The following NUP188 variants were observed in gnomAD, a reference collection of about 807,000 sequenced individuals.
NUP188 encodes nucleoporin 188.
In NUP188, 97 loss-of-function variants were observed where a neutral mutation model predicts 223.0. The observed-to-expected ratio is 0.43, with a 90% confidence interval of 0.37 to 0.51. The LOEUF is 0.51. Ranked by LOEUF, NUP188 falls within the 20% of genes least tolerant of loss-of-function variation. NUP188 has a pLI of 0.00. For synonymous variants in NUP188, 869 were observed against 828.0 expected (o/e 1.05, Z -0.85); for missense variants, 1,947 against 2,175.6 (o/e 0.89, Z 2.09).
intron 14 of NUP188, 61 bp downstream of exon 14, chr9:128,980,786 GA>G: frequency 4.5e-6 from 7 of 1,570,724 alleles, no homozygotes; most frequent in Non-Finnish European, 6.1e-6. Context: ...ACTTTATTAG[GA>G]ATCTTTTTTG....
intron 8 of NUP188, among the ~76,000 whole-genome samples, chr9:128,963,217 A>G (rs189368803): frequency 1.0e-3 from 154 of 152,080 alleles, no homozygotes; most frequent in Admixed American, 1.8e-3. Context: ...GTTTTTTGAC[A>G]TAAGTTTTCA....
chr9:128,963,671 A>G (rs1158285937), intron 8 of NUP188, among the ~76,000 whole-genome samples: 2 of 151,874 alleles, frequency 1.3e-5, no homozygotes, highest in Non-Finnish European at 2.9e-5. Context: ...GTAATATCTC[A>G]TTGTGGTTTG....
In NUP188 at chr9:128,981,385, C is replaced by G. The variant is rs757524090; in HGVS notation, c.1511C>G (p.Pro504Arg). 1 of 1,603,014 alleles carries G rather than the reference C, an allele frequency of 6.2e-7. No homozygotes were observed. Among genetic ancestry groups the G allele is most frequent in the South Asian group, 1.1e-5 (1 of 88,044 alleles). ...WRRQTPKLLY[P>R]LGGQTNLRIP... ...AGACAAACACCCAAACTCCTTTATC[C>G]CCTTGGTGAGATAAAGAGATCCCCC... is the stretch of plus-strand genomic sequence containing the variant. Residue 504 changes from proline to arginine, a missense_variant, in exon 15 of 44, where the codon CCC becomes CGC. Pro to Arg is a moderately radical substitution (Grantham distance 103, BLOSUM62 -2). Coordinates refer to ENST00000372577, the MANE Select transcript of NUP188 (RefSeq NM_015354.3).
intron 8 of NUP188, among the ~76,000 whole-genome samples, chr9:128,967,646 C>T (rs17485471): frequency 0.021 from 3,183 of 151,974 alleles, 117 homozygotes; most frequent in African/African-American, 0.073. Context: ...AAAAATCAGC[C>T]GGGCGTGGTG....
chr9:128,974,402 T>TTC (rs1364626484), intron 12 of NUP188, among the ~76,000 whole-genome samples: 10 of 150,480 alleles, frequency 6.6e-5, no homozygotes, highest in African/African-American at 2.4e-4. Flanking sequence ...TTTTTTTTTT[T>TTC]TTTTTTTGAG....
At chr9:128,980,853 A>C in intron 14 of NUP188, 128 bp downstream of exon 14, 1 of 845,142 alleles carries the variant, frequency 1.2e-6, no homozygotes, top group Non-Finnish European at 1.8e-6. Context: ...GGTGAATGAA[A>C]GATACCAAAG....
chr9:128,981,792 C>T (rs1369911229), intron 15 of NUP188, among the ~76,000 whole-genome samples: 2 of 152,066 alleles, frequency 1.3e-5, no homozygotes, highest in African/African-American at 4.8e-5. Context: ...AGTCACTTGT[C>T]GGCCAGGTGT....
intron 8 of NUP188, among the ~76,000 whole-genome samples, chr9:128,960,755 G>A (rs1841936586): frequency 6.6e-6 from 1 of 152,054 alleles, no homozygotes; most frequent in African/African-American, 2.4e-5. Context: ...TTCGAGACAA[G>A]CCTGGCCAAT....
intron 22 of NUP188, 30 bp from the exon 23 acceptor site, chr9:128,987,559 C>A: frequency 1.9e-6 from 3 of 1,598,590 alleles, no homozygotes; most frequent in South Asian, 1.1e-5. Flanking sequence ...GAGTGGCTCC[C>A]TGGTAACTCA....
At chr9:129,006,207 C>T in intron 42 of NUP188, 32 bp from the exon 43 acceptor site, 1 of 1,614,186 alleles carries the variant, frequency 6.2e-7, no homozygotes, top group Middle Eastern at 1.6e-4. Context: ...TGGCCCTCTG[C>T]AGCAGTACCA....
Position 128,994,937 on chromosome 9 carries a change from C to T in NUP188, c.3155+14C>T. On this transcript the variant is annotated intron_variant, in intron 29 of 43. Transcript: ENST00000372577. ...CTATGTAGTAAAGTGAGTACTTTCCCCTCTTGAGATTTTAACTGAAGGTTG... is the reference window on the plus strand; with the variant it reads ...CTATGTAGTAAAGTGAGTACTTTCCTCTCTTGAGATTTTAACTGAAGGTTG... 2 of 1,590,342 alleles carry T rather than the reference C, an allele frequency of 1.3e-6. No individual in the cohort carries two copies. Among genetic ancestry groups the T allele is most frequent in the South Asian group, 1.1e-5 (1 of 90,586 alleles).
intron 3 of NUP188, among the ~76,000 whole-genome samples, chr9:128,954,131 A>G (rs1311520700): frequency 2.0e-5 from 3 of 151,004 alleles, no homozygotes; most frequent in Non-Finnish European, 4.4e-5. Flanking sequence ...TACCCAGCCT[A>G]TTGTTTTCTT....
intron 8 of NUP188, among the ~76,000 whole-genome samples, chr9:128,968,244 CTT>C (rs149335466): frequency 1.1e-3 from 164 of 151,830 alleles, no homozygotes; most frequent in South Asian, 2.1e-3. Flanking sequence ...GACCCTGTCT[CTT>C]AAAAAAAAAG....
At chr9:128,966,162 T>TGTGC (rs1554828487) in intron 8 of NUP188, among the ~76,000 whole-genome samples, 6 of 146,884 alleles carry the variant, frequency 4.1e-5, no homozygotes, top group African/African-American at 1.3e-4. Context: ...TGTGTGTGTG[T>TGTGC]GTGTGTGCGT....
intron 8 of NUP188, among the ~76,000 whole-genome samples, chr9:128,964,553 T>G (rs1184356375): frequency 1.4e-5 from 2 of 138,024 alleles, no homozygotes; most frequent in Non-Finnish European, 3.2e-5. Flanking sequence ...TTTTTTTTTT[T>G]GTAGAGATGG....
chr9:129,001,886 A>T lies in NUP188; in HGVS notation c.4047A>T (p.Gly1349=). 3 of 1,613,878 alleles carry T rather than the reference A, an allele frequency of 1.9e-6. No individual in the cohort carries two copies. Among genetic ancestry groups the T allele is most frequent in the Non-Finnish European group, 2.5e-6 (3 of 1,179,886 alleles). The change falls in exon 36 of 44, where the codon GGA becomes GGT. Residue 1349 remains glycine, a splice_region_variant and synonymous_variant. Transcript: ENST00000372577. ...TTCCTGTCTTTCCCTCCTCCCAGGG[A>T]GCCACAGCAGTGGCTGGAGCTGGCA... ...LLLTLARTQQ[G]ATAVAGAGIT...
intron 8 of NUP188, among the ~76,000 whole-genome samples, chr9:128,965,150 T>A (rs931643364): frequency 3.3e-5 from 5 of 152,180 alleles, no homozygotes; most frequent in Non-Finnish European, 7.4e-5. Context: ...TTTTTAATTC[T>A]TTTATTTATT....
intron 15 of NUP188, among the ~76,000 whole-genome samples, chr9:128,981,619 A>G (rs574321761): frequency 2.5e-3 from 385 of 152,258 alleles, no homozygotes; most frequent in African/African-American, 8.8e-3. Flanking sequence ...GTGCTCAAAG[A>G]GGAAAATATA....
At chr9:128,949,341 A>G (rs1349641115) in intron 2 of NUP188, 98 bp downstream of exon 2, 1 of 820,480 alleles carries the variant, frequency 1.2e-6, no homozygotes, top group Non-Finnish European at 2.0e-6. Flanking sequence ...AAACACATTT[A>G]TTTATTTAGA....
Sources: gnomAD v4.1 joint callset for allele counts (sites outside exome capture counted in the v4.1 genomes callset) on GRCh38, gnomAD v4.1.1 for gene constraint, MANE v1.5 for transcripts, NCBI Gene and HGNC (gene_info 2026-07-23, HGNC 2026-07-21) for gene names.